MILR1: variants seen among roughly 807,000 people sequenced by gnomAD.
The protein encoded by MILR1 is mast cell immunoglobulin like receptor 1, also known as allergin-1.
In MILR1, 31 loss-of-function variants were observed where a neutral mutation model predicts 18.5. The ratio of observed to expected loss-of-function variants is 1.68; its 90% confidence interval spans 1.26 to 2.26. The LOEUF (loss-of-function observed/expected upper bound fraction) is 2.26. Among genes scored for constraint, MILR1 ranks in the 30% most tolerant of loss-of-function variants. The probability of loss-of-function intolerance (pLI) is 0.00; values close to 1 mark genes in which losing one functional copy is unlikely to be tolerated. For synonymous variants in MILR1, 85 were observed against 56.2 expected (o/e 1.51, Z -2.30); for missense variants, 257 against 157.4 (o/e 1.63, Z -3.38).
chr17:64,463,437 C>T (rs2037475590), intron 5 of MILR1, among the ~76,000 whole-genome samples: 1 of 152,204 alleles, frequency 6.6e-6, no homozygotes, highest in Non-Finnish European at 1.5e-5. Flanking sequence ...GGTCTCAGCA[C>T]TGGCCCCCAT....
rs144579768 is a variant in MILR1, at chr17:64,468,552, G to T, written c.*271G>T. 3 of 1,063,618 alleles carry T rather than the reference G, an allele frequency of 2.8e-6. No individual in the cohort carries two copies. The African/African-American group carries it at 5.1e-5, about 18-fold the overall frequency. The allele number at this position is 1,063,618 out of a possible 1,614,324, so 65.9% of individuals were successfully genotyped here. A position where few individuals can be genotyped will look rare whatever the true frequency, so the allele number is the denominator to read the frequency against. On this transcript the variant is annotated 3_prime_UTR_variant, in exon 10 of 10. Coordinates refer to ENST00000619286, the MANE Select transcript of MILR1 (RefSeq NM_001085423.2). ...GATCTGCCTGCCTCGGCCTCCCAAA[G>T]TGCTGGAACTACAAGCCTGAGCCAC... is the stretch of plus-strand genomic sequence containing the variant.
chr17:64,473,858 T>C, the MILR1 span, among the ~76,000 whole-genome samples: 48 of 152,154 alleles, frequency 3.2e-4, no homozygotes, highest in Non-Finnish European at 6.6e-4. Context: ...AAAAGGACTT[T>C]AAGGGGTGAT....
the MILR1 span, among the ~76,000 whole-genome samples, chr17:64,477,594 A>G: frequency 6.6e-6 from 1 of 152,358 alleles, no homozygotes; most frequent in East Asian, 1.9e-4. Context: ...GAGTTCTTGT[A>G]TGTAAGAAAA....
chr17:64,460,542 C>G (rs9902012), intron 4 of MILR1, among the ~76,000 whole-genome samples: 9,569 of 152,138 alleles, frequency 0.063, 453 homozygotes, highest in African/African-American at 0.13. Context: ...AACAGGGCCT[C>G]ACTATGTTGC....
the MILR1 span, among the ~76,000 whole-genome samples, chr17:64,496,117 A>G: frequency 6.6e-6 from 1 of 152,246 alleles, no homozygotes; most frequent in Non-Finnish European, 1.5e-5. Context: ...TTCCTTATGC[A>G]CTTAGACTAC....
At chr17:64,463,056 C>A (rs1443259883) in intron 5 of MILR1, among the ~76,000 whole-genome samples, 1 of 152,092 alleles carries the variant, frequency 6.6e-6, no homozygotes, top group Non-Finnish European at 1.5e-5. Context: ...ATTAAACACA[C>A]CAGACTCAAA....
At chr17:64,485,212 A>G in the MILR1 span, 1 of 157,036 alleles carries the variant, frequency 6.4e-6, no homozygotes, top group Admixed American at 6.3e-5. Flanking sequence ...TATAACTTCA[A>G]CTTCTCCTCT....
chr17:64,484,149 A>AT, the MILR1 span: 1 of 152,206 alleles, frequency 6.6e-6, no homozygotes, highest in African/African-American at 2.4e-5. Flanking sequence ...AGTAAATAAT[A>AT]TATGTGAAGG....
the MILR1 span, chr17:64,482,819 A>G: frequency 1.1e-5 from 8 of 740,668 alleles, no homozygotes; most frequent in East Asian, 2.1e-4. Context: ...AGATGCAAAT[A>G]TACCAAAAAA....
the MILR1 span, chr17:64,484,085 C>G: frequency 6.6e-6 from 1 of 152,106 alleles, no homozygotes; most frequent in African/African-American, 2.4e-5. Context: ...GTTCCAGGTG[C>G]TAGGGGTAAA....
chr17:64,466,366 C>T lies in MILR1; in HGVS notation c.854-76C>T. On this transcript the variant is annotated intron_variant, in intron 6 of 9. Coordinates refer to ENST00000619286, the MANE Select transcript of MILR1 (RefSeq NM_001085423.2). ...AGCCTACATGGCCACATTCCAGACG[C>T]ATTGCTGAGCAATTTACCGACCTTT... The T allele has an allele frequency of 2.4e-6, 3 of 1,233,304 alleles. No homozygotes were observed. The South Asian group carries it at 3.8e-5, about 16-fold the overall frequency. The allele number at this position is 1,233,304 out of a possible 1,614,324, so 76.4% of individuals were successfully genotyped here.
At chr17:64,493,184 G>C in the MILR1 span, among the ~76,000 whole-genome samples, 2 of 152,152 alleles carry the variant, frequency 1.3e-5, no homozygotes, top group Non-Finnish European at 2.9e-5. Flanking sequence ...TTGGGAGGTC[G>C]AGGTGGGCAG....
At chr17:64,496,742 C>T in the MILR1 span, 7 of 1,614,056 alleles carry the variant, frequency 4.3e-6, no homozygotes, top group Admixed American at 1.7e-5. Flanking sequence ...TAGGAAATGC[C>T]TTCTCTGACA....
At chr17:64,497,155 T>C in the MILR1 span, 13 of 668,360 alleles carry the variant, frequency 1.9e-5, no homozygotes, top group South Asian at 1.2e-4. Context: ...CCGCCCACCA[T>C]GGCGGACGCC....
chr17:64,496,958 C>T, the MILR1 span: 2 of 1,606,124 alleles, frequency 1.2e-6, no homozygotes, highest in Non-Finnish European at 1.7e-6. Context: ...GACGGCTACA[C>T]GAGAGCGCAT....
the MILR1 span, chr17:64,490,572 T>G: frequency 1.9e-6 from 1 of 540,422 alleles, no homozygotes; most frequent in Non-Finnish European, 3.3e-6. Context: ...ATGCCATTAT[T>G]GAGATAATCA....
At chr17:64,476,401 C>T in the MILR1 span, among the ~76,000 whole-genome samples, 1 of 151,754 alleles carries the variant, frequency 6.6e-6, no homozygotes, top group Non-Finnish European at 1.5e-5. Context: ...TCAAGGAGGC[C>T]AGGTGAGGTG....
chr17:64,493,849 T>C, the MILR1 span, among the ~76,000 whole-genome samples: 6 of 152,214 alleles, frequency 3.9e-5, no homozygotes, highest in African/African-American at 1.4e-4. Context: ...TGAACACTTG[T>C]ATACCCTTTA....
the MILR1 span, among the ~76,000 whole-genome samples, chr17:64,493,244 C>A: frequency 6.6e-6 from 1 of 152,022 alleles, no homozygotes; most frequent in African/African-American, 2.4e-5. Context: ...CACAGCAAAA[C>A]CCCATCTCTA....
Sources: allele counts gnomAD v4.1 joint callset (sites outside exome capture counted in the v4.1 genomes callset), GRCh38; gene constraint gnomAD v4.1.1; transcripts MANE v1.5; gene names NCBI Gene and HGNC (gene_info 2026-07-23, HGNC 2026-07-21).